Variants in TMEM63B observed in about 807,000 individuals in gnomAD.
TMEM63B encodes mechanosensitive cation channel TMEM63B.
A neutral mutation model predicts 102.6 loss-of-function variants in TMEM63B; 23 were observed. The observed-to-expected ratio is 0.22, with a 90% CI of 0.16 to 0.32. The LOEUF (loss-of-function observed/expected upper bound fraction) is 0.32, where lower values mean the gene tolerates loss of function less well. Ranked by LOEUF, TMEM63B falls within the 10% of genes least tolerant of loss-of-function variation. The pLI is 1.00. For synonymous variants in TMEM63B, 444 were observed against 437.0 expected (o/e 1.02, Z -0.20); for missense variants, 628 against 1,095.9 (o/e 0.57, Z 6.03).
At position 44,139,617 on chromosome 6, in the gene TMEM63B, A is replaced by G. The variant is rs1763807225; in HGVS notation, c.550+8A>G. The G allele has an allele frequency of 6.2e-7, 1 of 1,614,146 alleles. No individual in the cohort carries two copies. ...TCTCAGGGGACCTGCTGGGTCAGTG[A>G]GGGCCAGGACGGCTAGGGTGGAGAG... is the stretch of plus-strand genomic sequence containing the variant. On this transcript the variant is annotated splice_region_variant and intron_variant, in intron 7 of 23. Transcript: ENST00000323267.
chr6:44,139,762 A>G lies in TMEM63B; in HGVS notation c.602+3A>G. On this transcript the variant is annotated splice_donor_region_variant and intron_variant, in intron 8 of 23. Transcript: ENST00000323267. Reference sequence around the variant, plus strand: ...ACCATTGCCAACTTGAAATCAGGGTAAGATGCGAAGCTGGTCGGCCAGGCC... The same window carrying G: ...ACCATTGCCAACTTGAAATCAGGGTGAGATGCGAAGCTGGTCGGCCAGGCC... 6.2e-7 allele frequency: 1 copy of G among 1,614,148 alleles called. No individual in the cohort carries two copies.
At position 44,136,007 on chromosome 6, in the gene TMEM63B, C is replaced by T. The variant is rs532054890; in HGVS notation, c.279-342C>T. On this transcript the variant is annotated intron_variant, in intron 4 of 23. Transcript: ENST00000323267. ...ATTGCTCTTTGCATAATGTTGGCTC[C>T]GTTGCCCGCCCCCGGCCCCTGCCAG... Among the ~76,000 whole-genome samples, 11 of 152,252 alleles carry T rather than the reference C, an allele frequency of 7.2e-5. No individual in the cohort carries two copies. The South Asian group carries it at 2.3e-3, about 32-fold the overall frequency.
At chr6:44,153,896 C>G in intron 21 of TMEM63B, 53 bp downstream of exon 21, 1 of 1,589,064 alleles carries the variant, frequency 6.3e-7, no homozygotes, top group Non-Finnish European at 8.6e-7. Flanking sequence ...TGGATTCCAG[C>G]CAGAGCAGGC....
At chr6:44,137,712 TC>T in intron 5 of TMEM63B, among the ~76,000 whole-genome samples, 1 of 151,580 alleles carries the variant, frequency 6.6e-6, no homozygotes, top group South Asian at 2.1e-4. Context: ...TTTTAATTTT[TC>T]CCTGAGACAG....
rs1168647676 is a variant in TMEM63B, at chr6:44,150,920, T to C, written c.1673+291T>C. Among the ~76,000 whole-genome samples the C allele has an allele frequency of 6.6e-6, 1 of 152,168 alleles. No homozygotes were observed. Among genetic ancestry groups the C allele is most frequent in the East Asian group, 1.9e-4 (1 of 5,192 alleles). ...CTTGGGGCTCCACATTCTGGTAGTT[T>C]CTATGGGGGTGTCTTGTGCCCATAT... On this transcript the variant is annotated intron_variant, in intron 18 of 23. Transcript: ENST00000323267. This position sits in a 1 kb window ranked among gnomAD's most constrained non-coding sequence, Gnocchi z 4.7.
At chr6:44,139,222 T>C (rs1763728563) in intron 6 of TMEM63B, among the ~76,000 whole-genome samples, 2 of 152,170 alleles carry the variant, frequency 1.3e-5, no homozygotes, top group Admixed American at 6.5e-5. Flanking sequence ...TCTAGCCCTC[T>C]GCCTTCATCC....
chr6:44,137,549 C>T (rs187217167), intron 5 of TMEM63B, among the ~76,000 whole-genome samples: 34 of 152,284 alleles, frequency 2.2e-4, no homozygotes, highest in African/African-American at 7.0e-4. Context: ...GAATCACGGC[C>T]GAAAGGCACC....
intron 1 of TMEM63B, among the ~76,000 whole-genome samples, chr6:44,130,080 G>A (rs1777977376): frequency 6.6e-6 from 1 of 152,206 alleles, no homozygotes; most frequent in Admixed American, 6.5e-5. Context: ...ACAAGCAAGA[G>A]GAAAGGCAAG....
intron 22 of TMEM63B, 56 bp from the exon 23 acceptor site, chr6:44,154,309 C>A: frequency 6.2e-7 from 1 of 1,607,250 alleles, no homozygotes; most frequent in South Asian, 1.1e-5. Context: ...GGCGTGGGGT[C>A]ATGATCAGGG....
intron 7 of TMEM63B, 32 bp from the exon 8 acceptor site, chr6:44,139,676 A>G (rs754453969): frequency 6.2e-7 from 1 of 1,613,954 alleles, no homozygotes; most frequent in East Asian, 2.2e-5. Context: ...CCCTGACCCC[A>G]CCATCATCCT....
At chr6:44,143,649 G>T (rs1304666347) in intron 10 of TMEM63B, among the ~76,000 whole-genome samples, 1 of 152,114 alleles carries the variant, frequency 6.6e-6, no homozygotes, top group Admixed American at 6.6e-5. Flanking sequence ...GGAGCTGGGG[G>T]TATAGCAGTA....
Position 44,155,217 on chromosome 6 carries a change from C to T in TMEM63B, c.*334C>T, listed in dbSNP as rs533709471. The T allele has an allele frequency of 2.4e-5, 4 of 169,856 alleles. No individual in the cohort carries two copies. The highest frequency in any genetic ancestry group is 1.9e-4 in the South Asian group (1 of 5,258). 10.5% of individuals were successfully genotyped at this position (169,856 alleles called of 1,614,324 possible). A position where few individuals can be genotyped will look rare whatever the true frequency, so the allele number is the denominator to read the frequency against. The stretch of plus-strand genomic sequence containing the variant: ...GAGGAGTACCTGGTGCACCTGGTGC[C>T]GGTGGCTGGAGACCTGGGGGGCAGG... On this transcript the variant is annotated 3_prime_UTR_variant, in exon 24 of 24. Coordinates refer to ENST00000323267, the MANE Select transcript of TMEM63B (RefSeq NM_018426.3).
At chr6:44,131,775 C>T (rs1303537107) in intron 1 of TMEM63B, among the ~76,000 whole-genome samples, 5 of 151,422 alleles carry the variant, frequency 3.3e-5, no homozygotes, top group African/African-American at 1.2e-4. Flanking sequence ...CTCTCCAACC[C>T]CCACCATGCA....
chr6:44,142,499 C>T (rs927697505), intron 10 of TMEM63B, among the ~76,000 whole-genome samples: 1 of 152,054 alleles, frequency 6.6e-6, no homozygotes, highest in African/African-American at 2.4e-5. Context: ...CACTGCACTT[C>T]AGCCTGAGCG....
chr6:44,136,234 C>T (rs951439229), intron 4 of TMEM63B, 115 bp from the exon 5 acceptor site: 39 of 791,710 alleles, frequency 4.9e-5, no homozygotes, highest in African/African-American at 1.7e-4. Context: ...TCAGCCTCTG[C>T]GCTTCCTGTG....
At chr6:44,143,018 A>G (rs1195887675) in intron 10 of TMEM63B, among the ~76,000 whole-genome samples, 1 of 152,222 alleles carries the variant, frequency 6.6e-6, no homozygotes, top group Non-Finnish European at 1.5e-5. Flanking sequence ...CAAAAAAGAA[A>G]GAAAGTAAAG....
Position 44,139,704 on chromosome 6 carries a change from A to G in TMEM63B, c.551-4A>G, listed in dbSNP as rs746175796. On this transcript the variant is annotated splice_polypyrimidine_tract_variant and splice_region_variant and intron_variant, in intron 7 of 23. Coordinates refer to ENST00000323267, the MANE Select transcript of TMEM63B (RefSeq NM_018426.3). ...ATCATCCTCTCCCTCTTCCCACCCC[A>G]CAGAGAACAATGCCTACAGCTTTGG... The G allele has an allele frequency of 6.2e-7, 1 of 1,614,178 alleles. No homozygotes were observed. The highest frequency in any genetic ancestry group is 8.5e-7 in the Non-Finnish European group (1 of 1,180,038).
intron 8 of TMEM63B, 84 bp downstream of exon 8, chr6:44,139,843 C>T (rs995587748): frequency 2.5e-5 from 39 of 1,554,396 alleles, no homozygotes; most frequent in Non-Finnish European, 3.5e-5. Context: ...AAGGCAGCTG[C>T]GTTGATGGGA....
chr6:44,149,108 C>T, intron 15 of TMEM63B, 163 bp downstream of exon 15: 1 of 1,037,614 alleles, frequency 9.6e-7, no homozygotes. Flanking sequence ...CTTGGGCTCC[C>T]TGCCACCTTC....
Sources: gnomAD v4.1 joint callset for allele counts (sites outside exome capture counted in the v4.1 genomes callset) on GRCh38, gnomAD v4.1.1 for gene constraint, Gnocchi (gnomAD v3.1) non-coding constraint, MANE v1.5 for transcripts, NCBI Gene and HGNC (gene_info 2026-07-23, HGNC 2026-07-21) for gene names.